The following CACNB4 variants were observed in gnomAD, a reference collection of about 807,000 sequenced individuals.
CACNB4 encodes the protein voltage-dependent L-type calcium channel subunit beta-4.
A neutral mutation model predicts 71.2 loss-of-function variants in CACNB4; 32 were observed. The observed-to-expected ratio is 0.45, with a 90% CI of 0.34 to 0.60. The LOEUF (loss-of-function observed/expected upper bound fraction) is 0.60, where lower values mean the gene tolerates loss of function less well. Among genes scored for constraint, CACNB4 ranks in the 20% least tolerant of loss-of-function variants. The pLI is 0.01. For missense variants in CACNB4, 464 were observed against 647.9 expected, an observed-to-expected ratio of 0.72 and a Z score of 3.08; for synonymous variants, 231 against 236.9, an observed-to-expected ratio of 0.97 and a Z score of 0.23.
At chr2:151,959,829 C>T (rs1355868107) in intron 2 of CACNB4, among the ~76,000 whole-genome samples, 1 of 152,092 alleles carries the variant, frequency 6.6e-6, no homozygotes, top group Non-Finnish European at 1.5e-5. Context: ...TAATAAAGTC[C>T]TGTTATAATA....
At chr2:151,865,003 T>A (rs1485352793) in intron 9 of CACNB4, among the ~76,000 whole-genome samples, 2 of 152,206 alleles carry the variant, frequency 1.3e-5, no homozygotes, top group African/African-American at 4.8e-5. Flanking sequence ...AACCTACTAA[T>A]TTAAATATTC....
intron 2 of CACNB4, among the ~76,000 whole-genome samples, chr2:152,043,331 C>T (rs1205765495): frequency 6.6e-6 from 1 of 152,164 alleles, no homozygotes; most frequent in Non-Finnish European, 1.5e-5. Context: ...ATTGTGACCC[C>T]TTTCCAATAA....
chr2:151,880,490 A>G (rs2099847562), intron 4 of CACNB4: 4 of 364,850 alleles, frequency 1.1e-5, no homozygotes, highest in East Asian at 1.5e-4. Flanking sequence ...AGTTGGATCC[A>G]TATATTTATG....
chr2:151,846,622 C>T (rs189211217), intron 12 of CACNB4, among the ~76,000 whole-genome samples: 4 of 152,138 alleles, frequency 2.6e-5, no homozygotes, highest in East Asian at 1.9e-4. Context: ...GCGTAATCTC[C>T]GATCACTGAA....
intron 2 of CACNB4, among the ~76,000 whole-genome samples, chr2:152,006,913 T>G (rs1378357426): frequency 6.6e-6 from 1 of 152,178 alleles, no homozygotes; most frequent in African/African-American, 2.4e-5. Context: ...CCACCTTCAA[T>G]TACACGGCTA....
intron 4 of CACNB4, chr2:151,880,298 T>C (rs1198937133): frequency 6.4e-6 from 1 of 155,630 alleles, no homozygotes; most frequent in Non-Finnish European, 1.4e-5. Context: ...TTTGCCTTTC[T>C]GTTTCCCAGA....
intron 2 of CACNB4, among the ~76,000 whole-genome samples, chr2:152,069,160 G>A (rs2105363740): frequency 6.6e-6 from 1 of 152,224 alleles, no homozygotes; most frequent in Non-Finnish European, 1.5e-5. Context: ...ACATTTCATG[G>A]GGCTTCACAG....
In CACNB4 at chr2:151,959,904, T is replaced by C. The variant is rs182519362; in HGVS notation, c.148-76534A>G. On this transcript the variant is annotated intron_variant, in intron 2 of 13. Transcript: ENST00000539935. ...ATTCAAGGAGTTTCACAGACACACA[T>C]AGTTATTCAAAATATTACAGCTGAA... is the stretch of plus-strand genomic sequence containing the variant. Among the ~76,000 whole-genome samples the C allele has an allele frequency of 3.5e-3, 537 of 152,296 alleles. 1 individual carries two copies. The highest frequency in any genetic ancestry group is 6.0e-3 in the Non-Finnish European group (406 of 68,022).
intron 2 of CACNB4, chr2:151,967,039 A>ATTTTT (rs5835390): frequency 3.2e-5 from 3 of 94,484 alleles, no homozygotes; most frequent in Non-Finnish European, 5.9e-5. Flanking sequence ...CTGTCTCCAC[A>ATTTTT]TTTTTTTTTT....
At chr2:152,015,474 A>G (rs1423771507) in intron 2 of CACNB4, among the ~76,000 whole-genome samples, 1 of 152,154 alleles carries the variant, frequency 6.6e-6, no homozygotes, top group African/African-American at 2.4e-5. Flanking sequence ...TGTAAGTTCT[A>G]GTGTCCCCCT....
intron 2 of CACNB4, among the ~76,000 whole-genome samples, chr2:151,899,569 G>C (rs940353852): frequency 6.6e-6 from 1 of 152,150 alleles, no homozygotes; most frequent in Non-Finnish European, 1.5e-5. Context: ...TATAGCTTTA[G>C]TCATTTTTAC....
Position 151,839,051 on chromosome 2 carries a change from A to G in CACNB4, c.*68T>C. 7.2e-7 allele frequency: 1 copy of G among 1,381,050 alleles called. No individual in the cohort carries two copies. The highest frequency in any genetic ancestry group is 1.0e-6 in the Non-Finnish European group (1 of 998,548). 85.5% of individuals were successfully genotyped at this position (1,381,050 alleles called of 1,614,324 possible). A position where few individuals can be genotyped will look rare whatever the true frequency, so the allele number is the denominator to read the frequency against. On this transcript the variant is annotated 3_prime_UTR_variant, in exon 14 of 14. Coordinates refer to ENST00000539935, the MANE Select transcript of CACNB4 (RefSeq NM_000726.5). ...ACTGTGCTATGTTAGCCAAGTTAAG[A>G]TGATTGGTTTATCCTAGCACTGCTA...
chr2:152,091,618 A>G (rs1687978048), intron 2 of CACNB4, among the ~76,000 whole-genome samples: 1 of 152,144 alleles, frequency 6.6e-6, no homozygotes, highest in Non-Finnish European at 1.5e-5. Flanking sequence ...AGCCTGGGCA[A>G]GAGTGAGACT....
intron 2 of CACNB4, among the ~76,000 whole-genome samples, chr2:152,048,199 A>C (rs1356465409): frequency 1.3e-5 from 2 of 152,074 alleles, no homozygotes; most frequent in East Asian, 3.9e-4. Flanking sequence ...TGTACTACTC[A>C]CTAGCACCCC....
chr2:151,939,954 T>C (rs924209034), intron 2 of CACNB4, among the ~76,000 whole-genome samples: 1 of 152,204 alleles, frequency 6.6e-6, no homozygotes, highest in Non-Finnish European at 1.5e-5. Flanking sequence ...GGCTGAGAAG[T>C]ATATAAAATT....
chr2:151,992,146 C>T (rs1681744601), intron 2 of CACNB4, among the ~76,000 whole-genome samples: 2 of 152,146 alleles, frequency 1.3e-5, no homozygotes, highest in South Asian at 4.1e-4. Flanking sequence ...TAAACTCCTT[C>T]AAGGGAGAAC....
At chr2:152,047,458 A>T (rs1219566876) in intron 2 of CACNB4, among the ~76,000 whole-genome samples, 6 of 152,238 alleles carry the variant, frequency 3.9e-5, no homozygotes, top group Non-Finnish European at 5.9e-5. Flanking sequence ...AAAATCTTTG[A>T]ATCCACATAC....
chr2:151,868,979 A>G, intron 9 of CACNB4, 198 bp downstream of exon 9: 2 of 403,910 alleles, frequency 5.0e-6, no homozygotes, highest in South Asian at 7.7e-5. Context: ...TTTTCTTCTC[A>G]TGGTCCTTTC....
chr2:152,079,182 A>G (rs1474750683), intron 2 of CACNB4, among the ~76,000 whole-genome samples: 1 of 151,982 alleles, frequency 6.6e-6, no homozygotes, highest in Non-Finnish European at 1.5e-5. Context: ...TCCGCCTCCC[A>G]GGTTCACGCC....
Sources: allele counts gnomAD v4.1 joint callset (sites outside exome capture counted in the v4.1 genomes callset), GRCh38; gene constraint gnomAD v4.1.1; transcripts MANE v1.5; gene names NCBI Gene and HGNC (gene_info 2026-07-23, HGNC 2026-07-21).